MYO16: variants seen among roughly 807,000 people sequenced by gnomAD.
MYO16 encodes the protein myosin XVI, also known as unconventional myosin-XVI.
A neutral mutation model predicts 205.3 loss-of-function variants in MYO16; 94 were observed. The observed-to-expected ratio is 0.46, with a 90% CI of 0.39 to 0.54. The LOEUF is 0.54. MYO16 is among the 20% of genes least tolerant of loss of function. MYO16 has a pLI of 0.00. For missense variants in MYO16, 2,315 were observed against 2,387.5 expected (o/e 0.97, Z 0.63); for synonymous variants, 988 against 954.0 (o/e 1.04, Z -0.66).
Position 109,166,217 on chromosome 13 carries a change from C to T in MYO16, c.5323+1158C>T, listed in dbSNP as rs186049409. Among the ~76,000 whole-genome samples the T allele has an allele frequency of 1.5e-3, 221 of 152,010 alleles. 1 individual carries two copies. The highest frequency in any genetic ancestry group is 1.1e-3 in the Non-Finnish European group (74 of 68,006). On this transcript the variant is annotated intron_variant, in intron 33 of 34. Coordinates refer to ENST00000457511, the MANE Select transcript of MYO16 (RefSeq NM_001198950.3). ...ATAAGTATGTTTACTCAGCCCCCCACGAAATAAAACAACGAGAATTTCAGC... is the reference window on the plus strand; with the variant it reads ...ATAAGTATGTTTACTCAGCCCCCCATGAAATAAAACAACGAGAATTTCAGC...
the MYO16 span, among the ~76,000 whole-genome samples, chr13:108,569,274 T>C: frequency 2.0e-5 from 3 of 152,264 alleles, no homozygotes; most frequent in Admixed American, 6.5e-5. Context: ...TTCACACTTT[T>C]GAGGCTTCCA....
At chr13:108,694,493 ATCTTTCATGTCTTGTTGGTCGTTTTTATC>A (rs1182963198) in intron 2 of MYO16, among the ~76,000 whole-genome samples, 3 of 151,966 alleles carry the variant, frequency 2.0e-5, no homozygotes, top group African/African-American at 7.3e-5. Context: ...TTTCCCAAGC[ATCTTTCATGTCTTGTTGGTCGTTTTTATC>A]TCTTCTTTAG....
At chr13:108,970,126 T>C (rs1883954618) in intron 20 of MYO16, among the ~76,000 whole-genome samples, 1 of 152,246 alleles carries the variant, frequency 6.6e-6, no homozygotes, top group Non-Finnish European at 1.5e-5. Flanking sequence ...GATAATATTA[T>C]GGTGGCTGCC....
rs372442963 is a variant in MYO16 at position 108,883,198 on chromosome 13, T to C, written c.1553+12T>C. 4.3e-6 allele frequency: 7 copies of C among 1,609,944 alleles called. No individual in the cohort carries two copies. The African/African-American group carries it at 9.4e-5, about 22-fold the overall frequency. Reference sequence around the variant, plus strand: ...TGTTTCATCCTCAGGTGAGTCCTCCTCAACCTTGTCTGCCAGGCTCAGGTT... The same window carrying C: ...TGTTTCATCCTCAGGTGAGTCCTCCCCAACCTTGTCTGCCAGGCTCAGGTT... On this transcript the variant is annotated intron_variant, in intron 13 of 34. Transcript: ENST00000457511.
chr13:108,795,450 C>A (rs13313347), intron 6 of MYO16, among the ~76,000 whole-genome samples: 1 of 152,072 alleles, frequency 6.6e-6, no homozygotes, highest in African/African-American at 2.4e-5. Flanking sequence ...CCTCGTGATC[C>A]GCCCGCCTTG....
chr13:109,157,061 C>T (rs910975228), intron 32 of MYO16, among the ~76,000 whole-genome samples: 6 of 151,984 alleles, frequency 3.9e-5, no homozygotes, highest in African/African-American at 9.7e-5. Context: ...CTCTGAACCA[C>T]GCCCCAGCTG....
chr13:108,869,851 G>C (rs990842701), intron 12 of MYO16, among the ~76,000 whole-genome samples: 9 of 148,130 alleles, frequency 6.1e-5, no homozygotes, highest in Non-Finnish European at 1.2e-4. Context: ...AAAATACTCT[G>C]TGTACACAAT....
chr13:109,026,630 A>C (rs1886372592), intron 23 of MYO16, among the ~76,000 whole-genome samples: 1 of 152,200 alleles, frequency 6.6e-6, no homozygotes. Context: ...ATCAGATAAC[A>C]TTGTAGAATT....
intron 5 of MYO16, among the ~76,000 whole-genome samples, chr13:108,788,938 G>A (rs1886536943): frequency 6.6e-6 from 1 of 152,096 alleles, no homozygotes; most frequent in Non-Finnish European, 1.5e-5. Context: ...GCTAAATGTT[G>A]GTCCCTCCTG....
intron 6 of MYO16, among the ~76,000 whole-genome samples, chr13:108,796,596 G>A (rs1378442475): frequency 3.9e-5 from 6 of 152,138 alleles, no homozygotes; most frequent in Non-Finnish European, 8.8e-5. Context: ...CATAAAAAAT[G>A]ATGAGTTCAT....
At chr13:108,924,301 G>C (rs1881881888) in intron 16 of MYO16, among the ~76,000 whole-genome samples, 1 of 152,164 alleles carries the variant, frequency 6.6e-6, no homozygotes. Context: ...TCTAAACGAA[G>C]CTTCCAAAAC....
At chr13:108,904,261 T>C (rs1880855105) in intron 15 of MYO16, among the ~76,000 whole-genome samples, 1 of 152,184 alleles carries the variant, frequency 6.6e-6, no homozygotes, top group African/African-American at 2.4e-5. Flanking sequence ...TATTTTAGAA[T>C]ATAATTATTT....
intron 31 of MYO16, among the ~76,000 whole-genome samples, chr13:109,139,960 T>A (rs1204077222): frequency 7.2e-6 from 1 of 138,024 alleles, no homozygotes; most frequent in South Asian, 2.4e-4. Context: ...GCAAGGGGGG[T>A]GGGTGGGTAG....
chr13:108,643,392 C>G (rs763853390), intron 1 of MYO16, among the ~76,000 whole-genome samples: 11 of 152,188 alleles, frequency 7.2e-5, no homozygotes, highest in Non-Finnish European at 4.4e-5. Flanking sequence ...GTTTGTTGAA[C>G]TATTCACCTA....
intron 4 of MYO16, among the ~76,000 whole-genome samples, chr13:108,782,687 G>A (rs1886340451): frequency 6.6e-6 from 1 of 152,126 alleles, no homozygotes; most frequent in Non-Finnish European, 1.5e-5. Flanking sequence ...TCATGGGCCA[G>A]GCACAGGGTC....
intron 1 of MYO16, among the ~76,000 whole-genome samples, chr13:108,606,913 C>A (rs879877541): frequency 2.0e-5 from 3 of 152,242 alleles, no homozygotes; most frequent in Non-Finnish European, 2.9e-5. Context: ...GGAAGCCTAT[C>A]TCTTGCATAA....
intron 2 of MYO16, among the ~76,000 whole-genome samples, chr13:108,698,536 G>C (rs1448532387): frequency 6.6e-6 from 1 of 152,124 alleles, no homozygotes; most frequent in Non-Finnish European, 1.5e-5. Flanking sequence ...ATTAAAACCT[G>C]ACAAGATAAG....
intron 9 of MYO16, among the ~76,000 whole-genome samples, chr13:108,829,572 G>C (rs1426473565): frequency 6.6e-6 from 1 of 152,162 alleles, no homozygotes; most frequent in Non-Finnish European, 1.5e-5. Context: ...TGAGTCGCCA[G>C]AGTTTCTGAG....
chr13:108,530,509 G>T, the MYO16 span, among the ~76,000 whole-genome samples: 1 of 152,106 alleles, frequency 6.6e-6, no homozygotes, highest in Non-Finnish European at 1.5e-5. Flanking sequence ...CAATTAAAAA[G>T]CCAGCTCTTT....
Sources: allele counts gnomAD v4.1 joint callset (sites outside exome capture counted in the v4.1 genomes callset), GRCh38; gene constraint gnomAD v4.1.1; transcripts MANE v1.5; gene names NCBI Gene and HGNC (gene_info 2026-07-23, HGNC 2026-07-21).